The following SHANK2 variants were observed in gnomAD, a reference collection of about 807,000 sequenced individuals.
SHANK2 encodes SH3 and multiple ankyrin repeat domains 2.
A neutral mutation model predicts 133.7 loss-of-function variants in SHANK2; 43 were observed. The ratio of observed to expected loss-of-function variants is 0.32; its 90% confidence interval spans 0.25 to 0.41. The LOEUF is 0.41. Ranked by LOEUF, SHANK2 falls within the 10% of genes least tolerant of loss-of-function variation. SHANK2 has a pLI of 1.00. For synonymous variants in SHANK2, 1,017 were observed against 952.8 expected (o/e 1.07, Z -1.24); for missense variants, 1,994 against 2,235.8 (o/e 0.89, Z 2.18).
At chr11:71,204,374 G>A (rs924094371) in intron 2 of SHANK2, among the ~76,000 whole-genome samples, 23 of 152,248 alleles carry the variant, frequency 1.5e-4, no homozygotes, top group African/African-American at 4.8e-4. Context: ...AGTGTCCCAC[G>A]GGGAGGTAAC....
chr11:71,057,491 G>A (rs927085878), intron 9 of SHANK2, among the ~76,000 whole-genome samples: 2 of 152,134 alleles, frequency 1.3e-5, no homozygotes, highest in East Asian at 1.9e-4. Flanking sequence ...ACCAGTTAAC[G>A]GTATTTACTT....
intron 17 of SHANK2, among the ~76,000 whole-genome samples, chr11:70,632,810 CT>C (rs1423416214): frequency 8.5e-5 from 13 of 152,170 alleles, no homozygotes; most frequent in Non-Finnish European, 1.6e-4. Context: ...TCATGTTGAT[CT>C]GGAAGGTAAC....
intron 2 of SHANK2, among the ~76,000 whole-genome samples, chr11:71,180,788 G>C (rs1477650048): frequency 6.6e-6 from 1 of 151,908 alleles, no homozygotes; most frequent in African/African-American, 2.4e-5. Context: ...CAAGAAGGAC[G>C]GAATTTTTAC....
At chr11:70,520,513 C>T (rs1474365884) in intron 17 of SHANK2, among the ~76,000 whole-genome samples, 1 of 152,200 alleles carries the variant, frequency 6.6e-6, no homozygotes, top group East Asian at 1.9e-4. Context: ...AGGGCACACA[C>T]TGTCACCAAG....
chr11:71,093,772 A>G (rs1292055444), intron 7 of SHANK2, among the ~76,000 whole-genome samples: 1 of 152,190 alleles, frequency 6.6e-6, no homozygotes, highest in African/African-American at 2.4e-5. Context: ...CAACGCAGGA[A>G]CAGACTCACA....
intron 11 of SHANK2, among the ~76,000 whole-genome samples, chr11:70,886,898 CT>C (rs1555073643): frequency 6.6e-6 from 1 of 152,144 alleles, no homozygotes; most frequent in African/African-American, 2.4e-5. Context: ...AATGTGCCTC[CT>C]TTTAAAATAT....
At chr11:71,238,988 G>C (rs1383767370) in intron 1 of SHANK2, among the ~76,000 whole-genome samples, 1 of 152,232 alleles carries the variant, frequency 6.6e-6, no homozygotes, top group African/African-American at 2.4e-5. Flanking sequence ...CAGAGACAAA[G>C]TATAGAGAAA....
intron 6 of SHANK2, among the ~76,000 whole-genome samples, chr11:71,099,400 A>T (rs1165639904): frequency 5.3e-5 from 8 of 152,226 alleles, no homozygotes; most frequent in African/African-American, 1.7e-4. Context: ...TAAGGGGGGA[A>T]GCTGGGTATA....
chr11:70,718,457 G>A (rs1216079199), intron 14 of SHANK2, among the ~76,000 whole-genome samples: 2 of 140,064 alleles, frequency 1.4e-5, no homozygotes, highest in Admixed American at 1.4e-4. Context: ...GGGGCATCAG[G>A]AGGCAAGGAG....
At position 70,492,351 on chromosome 11, in the gene SHANK2, G is replaced by A. The variant is rs148134210; in HGVS notation, c.2423C>T (p.Ala808Val). The A allele has an allele frequency of 1.2e-5, 20 of 1,611,862 alleles. No individual in the cohort carries two copies. In the African/African-American group the frequency reaches 1.6e-4, roughly 13 times the overall value. ...GCCACTCACGTTCATGTCTGAGCCC[G>A]CCGGGAAGCACCGGCTGCTGGGCCG... ...KQRPSSRCFPAGSDMNSVYER... is the reference protein window; with the variant it reads ...KQRPSSRCFPVGSDMNSVYER... The change falls in exon 22 of 26, where the codon GCG becomes GTG. Residue 808 changes from alanine (A) to valine (V), a missense_variant. Around this residue, in one of 5 missense-constraint regions of SHANK2, gnomAD observed 488 missense variants for 642.6 expected, o/e 0.76. Transcript: ENST00000601538.
intron 1 of SHANK2, among the ~76,000 whole-genome samples, chr11:71,236,139 T>C (rs1231525682): frequency 1.3e-5 from 2 of 152,106 alleles, no homozygotes; most frequent in Non-Finnish European, 2.9e-5. Context: ...CGTCTCACCA[T>C]CCATAGAACA....
intron 17 of SHANK2, among the ~76,000 whole-genome samples, chr11:70,528,495 G>A (rs868978837): frequency 2.6e-5 from 4 of 152,150 alleles, no homozygotes; most frequent in African/African-American, 9.7e-5. Context: ...GCTCTTTCCC[G>A]TTTACTGCGC....
At position 71,175,576 on chromosome 11, in the gene SHANK2, G is replaced by GAC. The variant is rs1953422873; in HGVS notation, c.-12-28239_-12-28238insGT. Among the ~76,000 whole-genome samples the GAC allele has an allele frequency of 7.3e-6, 1 of 136,630 alleles. No homozygotes were observed. Among genetic ancestry groups the GAC allele is most frequent in the Non-Finnish European group, 1.7e-5 (1 of 58,994 alleles). 89.6% of individuals were successfully genotyped at this position (136,630 alleles called of 152,430 possible). ...GGAGAGAGAGAGAGAGAGAGAGAGA[G>GAC]AGAGAGAGAGAGAGAGAGAGAGAGA... On this transcript the variant is annotated intron_variant, in intron 2 of 25. Transcript: ENST00000601538. This position sits in a 1 kb window ranked among gnomAD's most constrained non-coding sequence, Gnocchi z 4.2.
chr11:70,672,962 T>G (rs965284060), intron 15 of SHANK2, among the ~76,000 whole-genome samples: 5 of 152,214 alleles, frequency 3.3e-5, no homozygotes, highest in Admixed American at 1.3e-4. Context: ...TTTTCCTGTC[T>G]GCAAAATGAA....
intron 17 of SHANK2, among the ~76,000 whole-genome samples, chr11:70,572,843 G>A (rs189225355): frequency 2.4e-4 from 36 of 152,274 alleles, no homozygotes; most frequent in African/African-American, 5.8e-4. Flanking sequence ...CCGCTTGGCC[G>A]TCTCTCAAAC....
intron 14 of SHANK2, among the ~76,000 whole-genome samples, chr11:70,723,779 G>T (rs1235966507): frequency 6.6e-6 from 1 of 152,128 alleles, no homozygotes; most frequent in Non-Finnish European, 1.5e-5. Context: ...GTCTCTCCTA[G>T]ACCTGAGGAA....
chr11:70,731,908 G>C (rs895004113), intron 14 of SHANK2, among the ~76,000 whole-genome samples: 1 of 152,116 alleles, frequency 6.6e-6, no homozygotes, highest in African/African-American at 2.4e-5. Context: ...GTGCTCTGCC[G>C]GGCTGGGGTG....
chr11:70,743,124 C>A (rs1461780726), intron 14 of SHANK2, among the ~76,000 whole-genome samples: 1 of 152,174 alleles, frequency 6.6e-6, no homozygotes, highest in Non-Finnish European at 1.5e-5. Flanking sequence ...GACACAAAGG[C>A]ACAGGGCGGG....
intron 14 of SHANK2, among the ~76,000 whole-genome samples, chr11:70,714,186 CTGGAA>C (rs1308435704): frequency 6.6e-6 from 1 of 152,224 alleles, no homozygotes; most frequent in Non-Finnish European, 1.5e-5. Context: ...TCTTCCCTGT[CTGGAA>C]TGTGGAAGTG....
Sources: gnomAD v4.1 joint callset for allele counts (sites outside exome capture counted in the v4.1 genomes callset) on GRCh38, gnomAD v4.1.1 for gene constraint, gnomAD v4.1.1 regional missense constraint, Gnocchi (gnomAD v3.1) non-coding constraint, MANE v1.5 for transcripts, NCBI Gene and HGNC (gene_info 2026-07-23, HGNC 2026-07-21) for gene names.